BARX2: variants seen among roughly 807,000 people sequenced by gnomAD.
The protein encoded by BARX2 is BARX homeobox 2, also known as homeobox protein BarH-like 2.
Under a neutral mutation model 25.5 loss-of-function variants are expected in BARX2, and 11 were observed. That is an observed-to-expected ratio of 0.43 (90% confidence interval 0.27 to 0.71). The LOEUF is 0.71. Among genes scored for constraint, BARX2 ranks in the 30% least tolerant of loss-of-function variants. The probability of loss-of-function intolerance (pLI) is 0.19; values close to 1 mark genes in which losing one functional copy is unlikely to be tolerated. For missense variants in BARX2, 360 were observed against 359.9 expected, an observed-to-expected ratio of 1.00 and a Z score of 0.00; for synonymous variants, 137 against 149.5, an observed-to-expected ratio of 0.92 and a Z score of 0.61.
chr11:129,395,796 G>T (rs963973934), intron 1 of BARX2, among the ~76,000 whole-genome samples: 10 of 152,182 alleles, frequency 6.6e-5, no homozygotes, highest in African/African-American at 2.4e-4. Flanking sequence ...GGAGCCTGAT[G>T]GTGTGGATTC....
intron 1 of BARX2, among the ~76,000 whole-genome samples, chr11:129,382,575 A>G (rs111398486): frequency 6.6e-6 from 1 of 152,168 alleles, no homozygotes; most frequent in African/African-American, 2.4e-5. Context: ...TAGTTAGCAG[A>G]CTAGAGTTGG....
chr11:129,403,127 T>A (rs1861794827), intron 1 of BARX2, among the ~76,000 whole-genome samples: 1 of 152,232 alleles, frequency 6.6e-6, no homozygotes, highest in African/African-American at 2.4e-5. Context: ...GCTCTGCTGC[T>A]TTACAGAGCT....
In BARX2 at chr11:129,411,391, AG is replaced by A. The variant is rs1434818595; in HGVS notation, c.188-25359del. On this transcript the variant is annotated intron_variant, in intron 1 of 3. Coordinates refer to ENST00000281437, the MANE Select transcript of BARX2 (RefSeq NM_003658.5). Reference sequence around the variant, plus strand: ...ATCTCCAAAAAAAAAAAAAAAAAAAAGAATTAAAAGACTAGCAGAGTGGATA... The same window carrying A: ...ATCTCCAAAAAAAAAAAAAAAAAAAAAATTAAAAGACTAGCAGAGTGGATA... Among the ~76,000 whole-genome samples the A allele has an allele frequency of 3.5e-3, 524 of 150,842 alleles. 4 individuals carry two copies. Among genetic ancestry groups the A allele is most frequent in the African/African-American group, 0.012 (500 of 41,058 alleles).
chr11:129,443,619 A>G (rs1432102583), intron 3 of BARX2, among the ~76,000 whole-genome samples: 1 of 152,228 alleles, frequency 6.6e-6, no homozygotes, highest in Non-Finnish European at 1.5e-5. Flanking sequence ...TGATGACCAC[A>G]GTTTCCATCA....
chr11:129,419,432 T>G (rs190675850), intron 1 of BARX2, among the ~76,000 whole-genome samples: 156 of 152,340 alleles, frequency 1.0e-3, no homozygotes, highest in African/African-American at 3.6e-3. Context: ...TCCAAGAACC[T>G]TTCTATAATA....
chr11:129,451,070 T>C, intron 3 of BARX2, 66 bp from the exon 4 acceptor site: 1 of 1,565,780 alleles, frequency 6.4e-7, no homozygotes, highest in Non-Finnish European at 8.7e-7. Flanking sequence ...GAGGTTATAC[T>C]GGGAGTGGAA....
chr11:129,424,654 T>A (rs1565518309), intron 1 of BARX2, among the ~76,000 whole-genome samples: 1 of 152,194 alleles, frequency 6.6e-6, no homozygotes, highest in Non-Finnish European at 1.5e-5. Context: ...AAATAATTAG[T>A]TTTTTTGAGG....
chr11:129,413,442 G>T (rs1861910326), intron 1 of BARX2, among the ~76,000 whole-genome samples: 1 of 152,158 alleles, frequency 6.6e-6, no homozygotes, highest in African/African-American at 2.4e-5. Flanking sequence ...GGCAGGTTAT[G>T]CTGAGTAGAT....
rs202063049 is a variant in BARX2, at chr11:129,436,845, C to A, written c.282C>A (p.Ala94=). ...TGGTCCCTGCCACCCCGGGAATCGC[C>A]CAGGCACTGTCCTGCCACCAGGTCA... ...SHLVPATPGI[A]QALSCHQVTE... is the part of the protein sequence containing the mutation. The change falls in exon 2 of 4, where the codon GCC becomes GCA. Residue 94 remains alanine (A), a synonymous_variant. Transcript: ENST00000281437. The surrounding 1 kb of genome is among the most constrained non-coding windows in gnomAD (Gnocchi z 4.5). 1 of 1,614,060 alleles carries A rather than the reference C, an allele frequency of 6.2e-7. No homozygotes were observed.
chr11:129,436,555 A>T lies in BARX2; in HGVS notation c.188-196A>T, dbSNP rs1873934. On this transcript the variant is annotated intron_variant, in intron 1 of 3. Coordinates refer to ENST00000281437, the MANE Select transcript of BARX2 (RefSeq NM_003658.5). This position sits in a 1 kb window ranked among gnomAD's most constrained non-coding sequence, Gnocchi z 4.5. ...GGCCGTGGGCTTCATCTTCCCACAC[A>T]GAGCAGAGCAGACCTCTGTGCCTGC... The T allele has an allele frequency of 2.3e-4, 115 of 508,686 alleles. 2 individuals carry two copies. Among genetic ancestry groups the T allele is most frequent in the Non-Finnish European group, 3.6e-4 (107 of 299,854 alleles). 31.5% of individuals were successfully genotyped at this position (508,686 alleles called of 1,614,324 possible). A position where few individuals can be genotyped will look rare whatever the true frequency, so the allele number is the denominator to read the frequency against.
intron 1 of BARX2, among the ~76,000 whole-genome samples, chr11:129,422,320 T>C (rs921858424): frequency 6.6e-6 from 1 of 152,176 alleles, no homozygotes; most frequent in African/African-American, 2.4e-5. Flanking sequence ...TTTTTAGAGA[T>C]AGAGTCTCAC....
At chr11:129,425,595 C>A (rs1441857123) in intron 1 of BARX2, among the ~76,000 whole-genome samples, 1 of 152,180 alleles carries the variant, frequency 6.6e-6, no homozygotes, top group African/African-American at 2.4e-5. Flanking sequence ...GTCTAGAAAC[C>A]TACCTGTTGG....
chr11:129,409,873 A>AT (rs1861869050), intron 1 of BARX2, among the ~76,000 whole-genome samples: 6 of 151,890 alleles, frequency 4.0e-5, no homozygotes, highest in African/African-American at 1.2e-4. Flanking sequence ...TTCCTCCATT[A>AT]TTTTTTCTTG....
chr11:129,437,183 T>C (rs1862201724), intron 2 of BARX2, 132 bp downstream of exon 2: 1 of 1,030,656 alleles, frequency 9.7e-7, no homozygotes. Flanking sequence ...ACTCCTTGGC[T>C]CAAATCATCT....
intron 1 of BARX2, among the ~76,000 whole-genome samples, chr11:129,378,036 GT>G (rs1861521583): frequency 6.6e-6 from 1 of 152,208 alleles, no homozygotes; most frequent in African/African-American, 2.4e-5. Flanking sequence ...TGATTCATAT[GT>G]AGTTTTGTGA....
At chr11:129,381,369 T>G (rs994320015) in intron 1 of BARX2, among the ~76,000 whole-genome samples, 1 of 152,192 alleles carries the variant, frequency 6.6e-6, no homozygotes, top group Non-Finnish European at 1.5e-5. Context: ...TGCTAAGCCC[T>G]TCTTTGTTTG....
At chr11:129,410,879 C>T (rs1396936995) in intron 1 of BARX2, among the ~76,000 whole-genome samples, 1 of 152,212 alleles carries the variant, frequency 6.6e-6, no homozygotes, top group Non-Finnish European at 1.5e-5. Context: ...TCCAGACCCT[C>T]TTCAGATCCT....
At chr11:129,417,192 T>C (rs1861953822) in intron 1 of BARX2, among the ~76,000 whole-genome samples, 1 of 152,166 alleles carries the variant, frequency 6.6e-6, no homozygotes, top group African/African-American at 2.4e-5. Flanking sequence ...TGAGCCACCG[T>C]GCCTGGCCCA....
At chr11:129,393,150 G>T (rs1861682688) in intron 1 of BARX2, among the ~76,000 whole-genome samples, 1 of 152,042 alleles carries the variant, frequency 6.6e-6, no homozygotes, top group South Asian at 2.1e-4. Context: ...CCAGAGGATT[G>T]CTTGAGCCCA....
Sources: gnomAD v4.1 joint callset for allele counts (sites outside exome capture counted in the v4.1 genomes callset) on GRCh38, gnomAD v4.1.1 for gene constraint, Gnocchi (gnomAD v3.1) non-coding constraint, MANE v1.5 for transcripts, NCBI Gene and HGNC (gene_info 2026-07-23, HGNC 2026-07-21) for gene names.